Variants in PIGL observed in about 807,000 individuals in gnomAD.
PIGL encodes the protein N-acetylglucosaminyl-phosphatidylinositol de-N-acetylase.
A neutral mutation model predicts 31.1 loss-of-function variants in PIGL; 22 were observed. That is an observed-to-expected ratio of 0.71 (90% confidence interval 0.51 to 1.01). The LOEUF (loss-of-function observed/expected upper bound fraction) is 1.01. Ranked by LOEUF, PIGL falls within the 50% of genes least tolerant of loss-of-function variation. PIGL has a pLI of 0.00. For missense variants in PIGL, 302 were observed against 315.9 expected, an observed-to-expected ratio of 0.96 and a Z score of 0.33; for synonymous variants, 131 against 117.4, an observed-to-expected ratio of 1.12 and a Z score of -0.75.
chr17:16,271,665 G>A (rs2092873329), intron 2 of PIGL, among the ~76,000 whole-genome samples: 1 of 151,838 alleles, frequency 6.6e-6, no homozygotes, highest in South Asian at 2.1e-4. Flanking sequence ...CTGAGTAGCT[G>A]GGACTACAGG....
At chr17:16,303,373 G>A (rs147354456) in intron 3 of PIGL, among the ~76,000 whole-genome samples, 44 of 152,254 alleles carry the variant, frequency 2.9e-4, no homozygotes, top group African/African-American at 9.6e-4. Flanking sequence ...TTACCAAACT[G>A]CTGCAGCTGT....
At chr17:16,297,134 C>A (rs1241184265) in intron 2 of PIGL, among the ~76,000 whole-genome samples, 1 of 152,122 alleles carries the variant, frequency 6.6e-6, no homozygotes, top group Non-Finnish European at 1.5e-5. Context: ...GAACGTGTGA[C>A]CAAGAGGAGT....
intron 2 of PIGL, among the ~76,000 whole-genome samples, chr17:16,292,890 G>A (rs1220438675): frequency 1.3e-5 from 2 of 152,098 alleles, no homozygotes; most frequent in Non-Finnish European, 1.5e-5. Context: ...TCAGCAAGAG[G>A]GACTAGACAA....
intron 2 of PIGL, among the ~76,000 whole-genome samples, chr17:16,265,249 G>C (rs2092837428): frequency 6.6e-6 from 1 of 152,192 alleles, no homozygotes; most frequent in Non-Finnish European, 1.5e-5. Flanking sequence ...GTGACCTTAA[G>C]GGTGCTGATT....
At chr17:16,283,287 G>A (rs907055661) in intron 2 of PIGL, among the ~76,000 whole-genome samples, 4 of 152,136 alleles carry the variant, frequency 2.6e-5, no homozygotes, top group African/African-American at 9.7e-5. Context: ...ACAGGCGTGA[G>A]CCACTGTGCC....
At chr17:16,291,750 A>G (rs994492731) in intron 2 of PIGL, among the ~76,000 whole-genome samples, 4 of 151,670 alleles carry the variant, frequency 2.6e-5, no homozygotes, top group Non-Finnish European at 4.4e-5. Context: ...CTGTAATCCC[A>G]GCTACTCGGG....
At chr17:16,246,076 G>C (rs1399958009) in intron 2 of PIGL, among the ~76,000 whole-genome samples, 2 of 151,500 alleles carry the variant, frequency 1.3e-5, no homozygotes, top group Admixed American at 6.6e-5. Flanking sequence ...ACCCGCCTCG[G>C]CCTCCCAAAG....
intron 1 of PIGL, among the ~76,000 whole-genome samples, chr17:16,232,272 C>CT (rs1219685779): frequency 6.6e-6 from 1 of 152,108 alleles, no homozygotes; most frequent in African/African-American, 2.4e-5. Flanking sequence ...GAGCAAAACT[C>CT]TGTCTCAGAA....
chr17:16,321,515 C>T (rs2093105810), intron 6 of PIGL, among the ~76,000 whole-genome samples: 1 of 152,162 alleles, frequency 6.6e-6, no homozygotes, highest in Admixed American at 6.5e-5. Context: ...GCTGGGATCA[C>T]AGGCGTGAGC....
At chr17:16,276,275 C>T (rs191309451) in intron 2 of PIGL, among the ~76,000 whole-genome samples, 52 of 152,270 alleles carry the variant, frequency 3.4e-4, no homozygotes, top group Admixed American at 5.2e-4. Context: ...GATATGGGGT[C>T]ACTAGCTTAT....
At chr17:16,297,343 T>A (rs1327078190) in intron 2 of PIGL, among the ~76,000 whole-genome samples, 1 of 152,190 alleles carries the variant, frequency 6.6e-6, no homozygotes, top group African/African-American at 2.4e-5. Context: ...TGAAGATAAA[T>A]GGAAGGCAGC....
chr17:16,238,455 A>C (rs1347281808), intron 2 of PIGL, among the ~76,000 whole-genome samples: 1 of 103,952 alleles, frequency 9.6e-6, no homozygotes, highest in Non-Finnish European at 1.9e-5. Flanking sequence ...TTTTTTTTTG[A>C]GACGGGGTCT....
chr17:16,276,363 C>T (rs1412076156), intron 2 of PIGL, among the ~76,000 whole-genome samples: 1 of 152,130 alleles, frequency 6.6e-6, no homozygotes, highest in African/African-American at 2.4e-5. Flanking sequence ...TAAGTAGCAG[C>T]CAGAGATCAC....
chr17:16,291,864 C>CA (rs201715351), intron 2 of PIGL, among the ~76,000 whole-genome samples: 7,271 of 137,028 alleles, frequency 0.053, 222 homozygotes, highest in African/African-American at 0.096. Context: ...GACTCAATCT[C>CA]AAAAAAAAAA....
At chr17:16,316,368 G>GA (rs1355208005) in intron 4 of PIGL, among the ~76,000 whole-genome samples, 1 of 152,168 alleles carries the variant, frequency 6.6e-6, no homozygotes, top group Non-Finnish European at 1.5e-5. Flanking sequence ...ACTTCCAAGA[G>GA]AAAAACTATG....
At chr17:16,218,205 T>G (rs1176611095) in intron 1 of PIGL, 1 of 152,242 alleles carries the variant, frequency 6.6e-6, no homozygotes, top group Admixed American at 6.5e-5. Context: ...AGCTATTTTT[T>G]TAAATTGCCC....
chr17:16,298,371 A>AAAGAGAGATAGGT (rs763675925), intron 2 of PIGL, among the ~76,000 whole-genome samples: 8 of 152,144 alleles, frequency 5.3e-5, no homozygotes, highest in Non-Finnish European at 1.0e-4. Flanking sequence ...GACCTGACCC[A>AAAGAGAGATAGGT]AAGAGAGATA....
rs201352019 is a variant in PIGL, at chr17:16,271,878, A to AATTTT, written c.336-27994_336-27990dup. 5.6e-3 allele frequency among the ~76,000 whole-genome samples: 850 copies of AATTTT among 152,130 alleles called. 13 individuals are homozygous for AATTTT. The highest frequency in any genetic ancestry group is 0.019 in the African/African-American group (784 of 41,500). ...TATTCACTTGTTTATCTGAAATTCA[A>AATTTT]ATTTTATTTTATTTTATTTTCATTA... is the stretch of plus-strand genomic sequence containing the variant. On this transcript the variant is annotated intron_variant, in intron 2 of 6. Coordinates refer to ENST00000225609, the MANE Select transcript of PIGL (RefSeq NM_004278.4).
chr17:16,218,868 G>C (rs1044633654), intron 1 of PIGL, among the ~76,000 whole-genome samples: 2 of 150,648 alleles, frequency 1.3e-5, no homozygotes, highest in African/African-American at 4.9e-5. Context: ...TAGTAGAGAT[G>C]AGGTTTCACC....
Sources: allele counts gnomAD v4.1 joint callset (sites outside exome capture counted in the v4.1 genomes callset), GRCh38; gene constraint gnomAD v4.1.1; transcripts MANE v1.5; gene names NCBI Gene and HGNC (gene_info 2026-07-23, HGNC 2026-07-21).